Variants in IFT80 observed in about 807,000 individuals in gnomAD.
IFT80 encodes intraflagellar transport protein 80 homolog.
In IFT80, 79 loss-of-function variants were observed where a neutral mutation model predicts 107.9. The observed-to-expected ratio is 0.73, with a 90% CI of 0.61 to 0.88. The LOEUF is 0.88. Ranked by LOEUF, IFT80 falls within the 40% of genes least tolerant of loss-of-function variation. IFT80 has a pLI of 0.00. For missense variants in IFT80, 797 were observed against 914.2 expected (o/e 0.87, Z 1.65); for synonymous variants, 299 against 300.9 (o/e 0.99, Z 0.07).
chr3:160,391,034 A>C (rs1180659754), intron 1 of IFT80, among the ~76,000 whole-genome samples: 1 of 152,204 alleles, frequency 6.6e-6, no homozygotes, highest in Non-Finnish European at 1.5e-5. Flanking sequence ...CCCACTTCTT[A>C]ATTTGCATAT....
At chr3:160,340,289 T>A (rs1284781731) in intron 8 of IFT80, among the ~76,000 whole-genome samples, 1 of 152,200 alleles carries the variant, frequency 6.6e-6, no homozygotes, top group Non-Finnish European at 1.5e-5. Flanking sequence ...AAAAGGCAGT[T>A]ACAAAGATAT....
At chr3:160,306,827 TA>T (rs1716863503) in intron 10 of IFT80, among the ~76,000 whole-genome samples, 1 of 152,320 alleles carries the variant, frequency 6.6e-6, no homozygotes, top group East Asian at 1.9e-4. Context: ...ATACTTTACA[TA>T]TTTTAATTCA....
At chr3:160,300,768 C>A (rs1576774148) in intron 12 of IFT80, 115 bp downstream of exon 12, 1 of 793,708 alleles carries the variant, frequency 1.3e-6, no homozygotes, top group East Asian at 2.8e-5. Flanking sequence ...GCTCATAATT[C>A]TTTTTCTATA....
chr3:160,285,096 T>C (rs1714986031), intron 13 of IFT80, among the ~76,000 whole-genome samples: 1 of 152,074 alleles, frequency 6.6e-6, no homozygotes, highest in African/African-American at 2.4e-5. Flanking sequence ...CCTAGAACTT[T>C]GGGGGTCTGA....
At chr3:160,292,503 G>A (rs561333438) in intron 12 of IFT80, among the ~76,000 whole-genome samples, 98 of 139,688 alleles carry the variant, frequency 7.0e-4, no homozygotes, top group Non-Finnish European at 1.2e-3. Context: ...TTTTTGAGAC[G>A]GAGTCTCGCT....
At chr3:160,283,691 AAC>A (rs1714873725) in intron 13 of IFT80, among the ~76,000 whole-genome samples, 1 of 152,150 alleles carries the variant, frequency 6.6e-6, no homozygotes, top group Admixed American at 6.5e-5. Context: ...TCATCATCAG[AAC>A]CTAGTGTATT....
chr3:160,331,745 C>T (rs1719103774), intron 8 of IFT80, among the ~76,000 whole-genome samples: 1 of 152,060 alleles, frequency 6.6e-6, no homozygotes, highest in African/African-American at 2.4e-5. Context: ...ACTCTAGCCT[C>T]AATCTCTCAG....
intron 5 of IFT80, 110 bp downstream of exon 5, chr3:160,375,702 C>T: frequency 2.7e-6 from 2 of 737,174 alleles, no homozygotes; most frequent in Non-Finnish European, 4.8e-6. Context: ...GTTTTGAACT[C>T]AACCAAAGTC....
intron 12 of IFT80, among the ~76,000 whole-genome samples, chr3:160,290,690 C>T (rs1715488772): frequency 6.6e-6 from 1 of 152,174 alleles, no homozygotes; most frequent in East Asian, 1.9e-4. Flanking sequence ...AAGCAATTCT[C>T]CTGCCTCACC....
intron 1 of IFT80, among the ~76,000 whole-genome samples, chr3:160,390,235 T>C (rs1352091302): frequency 6.6e-6 from 1 of 151,930 alleles, no homozygotes; most frequent in Non-Finnish European, 1.5e-5. Flanking sequence ...CTGACAAACA[T>C]GCAGAAACCC....
intron 8 of IFT80, among the ~76,000 whole-genome samples, chr3:160,333,925 C>T (rs1050251964): frequency 1.3e-5 from 2 of 152,164 alleles, no homozygotes; most frequent in Admixed American, 6.5e-5. Context: ...GCTGACAGCG[C>T]AGTGGTATGT....
chr3:160,348,417 T>C (rs1246022794), intron 8 of IFT80, among the ~76,000 whole-genome samples: 2 of 152,224 alleles, frequency 1.3e-5, no homozygotes, highest in Admixed American at 6.5e-5. Flanking sequence ...CTATTAGATC[T>C]GCCTTCTCAC....
chr3:160,267,821 C>A (rs1713462805), intron 19 of IFT80, among the ~76,000 whole-genome samples: 1 of 152,200 alleles, frequency 6.6e-6, no homozygotes, highest in Non-Finnish European at 1.5e-5. Context: ...CCTGCCTCAG[C>A]CTCCCAAGTA....
Position 160,280,669 on chromosome 3 carries a change from T to C in IFT80, c.1662A>G (p.Ala554=), listed in dbSNP as rs777413519. ...AATTATACGCAGTAAAATGTTACCT[T>C]GCATCCCTTTCATATAATGTTTTAG... is the stretch of plus-strand genomic sequence containing the variant. ...ILPKTLYERD[A]SEFSKNPHIV... The change falls in exon 15 of 20, where the codon GCA becomes GCG. Residue 554 remains alanine, a splice_region_variant and synonymous_variant. Transcript: ENST00000326448. The C allele has an allele frequency of 6.2e-6, 10 of 1,610,770 alleles. No homozygotes were observed. The South Asian group carries it at 7.7e-5, about 12-fold the overall frequency.
intron 5 of IFT80, among the ~76,000 whole-genome samples, chr3:160,374,681 AGAATGT>A (rs1431099176): frequency 1.3e-5 from 2 of 152,208 alleles, no homozygotes; most frequent in Non-Finnish European, 2.9e-5. Context: ...TCACAAAGTG[AGAATGT>A]CAAATAATGA....
chr3:160,297,594 T>C (rs1339512610), intron 12 of IFT80, among the ~76,000 whole-genome samples: 1 of 152,046 alleles, frequency 6.6e-6, no homozygotes, highest in Non-Finnish European at 1.5e-5. Context: ...CGTTGCAACA[T>C]TTAGTTATCT....
intron 19 of IFT80, among the ~76,000 whole-genome samples, chr3:160,264,599 CTTTT>C (rs567273435): frequency 1.6e-5 from 2 of 125,266 alleles, no homozygotes; most frequent in Admixed American, 8.1e-5. Context: ...GTCCAGCTAA[CTTTT>C]TTTTTTTTTT....
At chr3:160,389,768 G>C (rs1433066042) in intron 1 of IFT80, among the ~76,000 whole-genome samples, 1 of 152,044 alleles carries the variant, frequency 6.6e-6, no homozygotes, top group East Asian at 1.9e-4. Flanking sequence ...CTTTGCTATA[G>C]TGAATAGTGC....
intron 8 of IFT80, among the ~76,000 whole-genome samples, chr3:160,345,615 A>AC (rs1720232498): frequency 6.7e-6 from 1 of 148,738 alleles, no homozygotes; most frequent in South Asian, 2.1e-4. Context: ...AATTGCTTGA[A>AC]CCCAGGAGGC....
Sources: gnomAD v4.1 joint callset for allele counts (sites outside exome capture counted in the v4.1 genomes callset) on GRCh38, gnomAD v4.1.1 for gene constraint, MANE v1.5 for transcripts, NCBI Gene and HGNC (gene_info 2026-07-23, HGNC 2026-07-21) for gene names.